Variants in NOL4 observed in about 807,000 individuals in gnomAD.
The protein encoded by NOL4 is nucleolar protein 4.
Under a neutral mutation model 75.9 loss-of-function variants are expected in NOL4, and 17 were observed. The observed-to-expected ratio is 0.22, with a 90% CI of 0.15 to 0.34. The LOEUF is 0.34. Ranked by LOEUF, NOL4 falls within the 10% of genes least tolerant of loss-of-function variation. The probability of loss-of-function intolerance (pLI) is 1.00; values close to 1 mark genes in which losing one functional copy is unlikely to be tolerated. For synonymous variants in NOL4, 292 were observed against 289.9 expected, an observed-to-expected ratio of 1.01 and a Z score of -0.07; for missense variants, 614 against 793.5, an observed-to-expected ratio of 0.77 and a Z score of 2.72.
chr18:34,212,844 G>C (rs1229872572), intron 1 of NOL4, among the ~76,000 whole-genome samples: 2 of 152,146 alleles, frequency 1.3e-5, no homozygotes, highest in African/African-American at 4.8e-5. Context: ...AACTTCTGCA[G>C]CAAGTACATT....
intron 1 of NOL4, among the ~76,000 whole-genome samples, chr18:34,159,825 T>C (rs183334808): frequency 6.6e-6 from 1 of 151,938 alleles, no homozygotes; most frequent in South Asian, 2.1e-4. Context: ...TCAGAAAAGG[T>C]TGCCCGCTCA....
intron 6 of NOL4, among the ~76,000 whole-genome samples, chr18:33,980,382 T>C (rs1009409039): frequency 1.3e-5 from 2 of 151,984 alleles, no homozygotes; most frequent in South Asian, 2.1e-4. Flanking sequence ...TTTTTAACAG[T>C]GAATATCAGA....
intron 1 of NOL4, among the ~76,000 whole-genome samples, chr18:34,211,228 C>T (rs771600932): frequency 1.5e-4 from 23 of 152,170 alleles, no homozygotes; most frequent in Non-Finnish European, 2.9e-4. Flanking sequence ...ATTACATATT[C>T]TAAATTAGTA....
chr18:34,216,948 C>A (rs890713481), intron 1 of NOL4, among the ~76,000 whole-genome samples: 1 of 152,018 alleles, frequency 6.6e-6, no homozygotes, highest in Non-Finnish European at 1.5e-5. Flanking sequence ...CTTAAATTAG[C>A]ATATCATCAT....
At chr18:34,076,650 T>G (rs2077757954) in intron 5 of NOL4, among the ~76,000 whole-genome samples, 1 of 152,160 alleles carries the variant, frequency 6.6e-6, no homozygotes, top group Non-Finnish European at 1.5e-5. Context: ...ACTTGAACAA[T>G]TTGTACTGAG....
intron 2 of NOL4, among the ~76,000 whole-genome samples, chr18:34,127,361 C>T (rs556536179): frequency 1.1e-4 from 17 of 151,910 alleles, no homozygotes; most frequent in African/African-American, 4.1e-4. Context: ...GTATGATACA[C>T]TTTAATGATT....
chr18:33,943,591 AAT>A, intron 8 of NOL4, among the ~76,000 whole-genome samples: 1 of 152,096 alleles, frequency 6.6e-6, no homozygotes, highest in East Asian at 1.9e-4. Context: ...TAAAAAACCT[AAT>A]AGACACTCAG....
intron 5 of NOL4, among the ~76,000 whole-genome samples, chr18:34,025,160 T>G (rs1480130383): frequency 1.3e-5 from 2 of 152,152 alleles, no homozygotes; most frequent in African/African-American, 4.8e-5. Flanking sequence ...ATTCTTTCCC[T>G]TTATCAAAAC....
At chr18:33,980,897 A>T (rs541926484) in intron 6 of NOL4, among the ~76,000 whole-genome samples, 248 of 152,212 alleles carry the variant, frequency 1.6e-3, no homozygotes, top group African/African-American at 5.6e-3. Flanking sequence ...ATTATCATGC[A>T]ATAAATTTAA....
At chr18:33,865,672 C>CCAT (rs1342274773) in intron 10 of NOL4, among the ~76,000 whole-genome samples, 1 of 152,108 alleles carries the variant, frequency 6.6e-6, no homozygotes, top group Non-Finnish European at 1.5e-5. Flanking sequence ...TTGGAACCCT[C>CCAT]CATCTTCAGA....
chr18:34,067,061 T>G (rs1381139541), intron 5 of NOL4, among the ~76,000 whole-genome samples: 1 of 151,968 alleles, frequency 6.6e-6, no homozygotes, highest in East Asian at 1.9e-4. Context: ...AAAAAGAAAA[T>G]AAACAAAATA....
Position 34,070,319 on chromosome 18 carries a change from C to G in NOL4, c.772+23146G>C, listed in dbSNP as rs578074424. Among the ~76,000 whole-genome samples, 4 of 152,252 alleles carry G rather than the reference C, an allele frequency of 2.6e-5. No individual in the cohort carries two copies. The East Asian group carries it at 7.8e-4, about 30-fold the overall frequency. On this transcript the variant is annotated intron_variant, in intron 5 of 10. Transcript: ENST00000261592. ...CAGGCGTGAGCCACCGCGCCCGGCC[C>G]GCCTTGCCTTTTTTACACTATAAAG...
intron 6 of NOL4, among the ~76,000 whole-genome samples, chr18:33,971,635 T>G (rs990026112): frequency 1.3e-5 from 2 of 152,172 alleles, no homozygotes; most frequent in African/African-American, 4.8e-5. Context: ...TGTACAGTTC[T>G]AGGGGTAATT....
intron 9 of NOL4, among the ~76,000 whole-genome samples, chr18:33,892,568 C>T (rs1328557394): frequency 6.6e-6 from 1 of 152,124 alleles, no homozygotes; most frequent in Non-Finnish European, 1.5e-5. Context: ...TAAAATGCTA[C>T]AAGGCTTCAC....
chr18:33,994,155 A>G (rs538944486), intron 6 of NOL4, among the ~76,000 whole-genome samples: 46 of 151,960 alleles, frequency 3.0e-4, no homozygotes, highest in African/African-American at 9.6e-4. Flanking sequence ...ACAGGAAAAA[A>G]TAACATCAAT....
At chr18:34,188,818 G>A (rs994462811) in intron 1 of NOL4, among the ~76,000 whole-genome samples, 3 of 151,954 alleles carry the variant, frequency 2.0e-5, no homozygotes, top group African/African-American at 7.3e-5. Context: ...CATAATTTGA[G>A]GACTATCTGT....
intron 9 of NOL4, among the ~76,000 whole-genome samples, chr18:33,923,875 T>G (rs1235467267): frequency 2.6e-5 from 4 of 152,200 alleles, no homozygotes; most frequent in African/African-American, 9.6e-5. Flanking sequence ...CTGTTTAAAA[T>G]ATCTTCTCCC....
At chr18:34,050,112 T>C (rs1568274809) in intron 5 of NOL4, among the ~76,000 whole-genome samples, 3 of 152,182 alleles carry the variant, frequency 2.0e-5, no homozygotes, top group Admixed American at 6.6e-5. Flanking sequence ...TGCCTTGGAA[T>C]ATATCTCCAG....
chr18:34,170,739 A>G (rs2032952032), intron 1 of NOL4, among the ~76,000 whole-genome samples: 1 of 152,146 alleles, frequency 6.6e-6, no homozygotes, highest in African/African-American at 2.4e-5. Context: ...TCTCATTAGG[A>G]AATTCTAATC....
Sources: gnomAD v4.1 joint callset for allele counts (sites outside exome capture counted in the v4.1 genomes callset) on GRCh38, gnomAD v4.1.1 for gene constraint, MANE v1.5 for transcripts, NCBI Gene and HGNC (gene_info 2026-07-23, HGNC 2026-07-21) for gene names.